Variants in CASQ2 observed in about 807,000 individuals in gnomAD.
CASQ2 encodes the protein calsequestrin 2.
In CASQ2, 49 loss-of-function variants were observed where a neutral mutation model predicts 46.5. The observed-to-expected ratio is 1.05, with a 90% confidence interval of 0.84 to 1.34. CASQ2 has a LOEUF of 1.34. Among genes scored for constraint, CASQ2 ranks in the 40% most tolerant of loss-of-function variants. CASQ2 has a pLI of 0.00. For missense variants in CASQ2, 486 were observed against 481.3 expected, an observed-to-expected ratio of 1.01 and a Z score of -0.09; for synonymous variants, 174 against 168.5, an observed-to-expected ratio of 1.03 and a Z score of -0.25.
intron 4 of CASQ2, among the ~76,000 whole-genome samples, chr1:115,733,294 A>G (rs534145666): frequency 6.6e-6 from 1 of 152,278 alleles, no homozygotes; most frequent in South Asian, 2.1e-4. Context: ...ACCAAAATAA[A>G]AAGACCTTTC....
chr1:115,748,476 G>C (rs1481148717), intron 1 of CASQ2, among the ~76,000 whole-genome samples: 1 of 152,050 alleles, frequency 6.6e-6, no homozygotes, highest in African/African-American at 2.4e-5. Flanking sequence ...GGGACTGAGG[G>C]GTGGGAGTGG....
intron 8 of CASQ2, among the ~76,000 whole-genome samples, chr1:115,710,579 G>A (rs1039114408): frequency 1.3e-5 from 2 of 152,208 alleles, no homozygotes; most frequent in South Asian, 2.1e-4. Flanking sequence ...CATGGGGTCA[G>A]TCCCAGGGCT....
chr1:115,723,341 T>G (rs919478383), intron 7 of CASQ2, among the ~76,000 whole-genome samples: 2 of 147,220 alleles, frequency 1.4e-5, no homozygotes, highest in Non-Finnish European at 3.0e-5. Context: ...ATCTATCATC[T>G]ATCTATGTAT....
intron 9 of CASQ2, 147 bp downstream of exon 9, chr1:115,705,045 C>T (rs1341231383): frequency 5.7e-6 from 4 of 701,672 alleles, no homozygotes; most frequent in Non-Finnish European, 1.0e-5. Context: ...TTCAATACTG[C>T]CCCAAGGGCC....
intron 1 of CASQ2, among the ~76,000 whole-genome samples, chr1:115,745,530 T>C (rs1052105302): frequency 6.6e-6 from 1 of 152,112 alleles, no homozygotes. Context: ...GATGGACAGA[T>C]AGCTGAAAAC....
chr1:115,755,354 C>G (rs1399281248), intron 1 of CASQ2, among the ~76,000 whole-genome samples: 1 of 152,092 alleles, frequency 6.6e-6, no homozygotes, highest in Admixed American at 6.5e-5. Flanking sequence ...CTCAAACTCT[C>G]CTTGGGAAAA....
chr1:115,742,033 G>A (rs568380141), intron 2 of CASQ2, among the ~76,000 whole-genome samples: 2 of 152,174 alleles, frequency 1.3e-5, no homozygotes, highest in South Asian at 4.1e-4. Context: ...AAGGAGCAAT[G>A]TGCCAGGTAT....
intron 2 of CASQ2, among the ~76,000 whole-genome samples, chr1:115,741,954 G>A (rs10923339): frequency 0.71 from 107,994 of 151,986 alleles, 42,088 homozygotes; most frequent in Non-Finnish European, 0.87. Flanking sequence ...GTGTCCCAAG[G>A]CATGCATGAG....
chr1:115,731,303 C>A (rs564165661), intron 5 of CASQ2, among the ~76,000 whole-genome samples: 4 of 152,290 alleles, frequency 2.6e-5, no homozygotes, highest in African/African-American at 9.6e-5. Flanking sequence ...AACGTTGAAC[C>A]ACCCCTCTAA....
intron 7 of CASQ2, among the ~76,000 whole-genome samples, chr1:115,718,976 G>T (rs759522060): frequency 9.2e-5 from 14 of 152,016 alleles, no homozygotes; most frequent in Non-Finnish European, 1.9e-4. Flanking sequence ...GGTATGCTTT[G>T]GGCACCCTGA....
At chr1:115,723,305 T>TTATCTATCTATCTATCTATC (rs58680506) in intron 7 of CASQ2, among the ~76,000 whole-genome samples, 8,044 of 148,758 alleles carry the variant, frequency 0.054, 275 homozygotes, top group Non-Finnish European at 0.063. Flanking sequence ...ATCTATCTAT[T>TTATCTATCTATCTATCTATC]TATCTATCTA....
intron 2 of CASQ2, 73 bp downstream of exon 2, chr1:115,744,755 G>T: frequency 2.1e-6 from 2 of 940,404 alleles, no homozygotes; most frequent in Non-Finnish European, 3.5e-6. Context: ...AAGAATAATT[G>T]CAACTGTACT....
At position 115,745,173 on chromosome 1, in the gene CASQ2, C is replaced by T. The variant is rs984235529; in HGVS notation, c.235-261G>A. ...ATTTGGAAGAATATATCCACTGTCA[C>T]ATACCAGTTTCTGCCCTTGGAGTAG... On this transcript the variant is annotated intron_variant, in intron 1 of 10. Coordinates refer to ENST00000261448, the MANE Select transcript of CASQ2 (RefSeq NM_001232.4). 3.9e-5 allele frequency among the ~76,000 whole-genome samples: 6 copies of T among 152,122 alleles called. No individual in the cohort carries two copies. In the South Asian group the frequency reaches 8.3e-4, roughly 21 times the overall value.
chr1:115,719,937 A>G (rs979146692), intron 7 of CASQ2, among the ~76,000 whole-genome samples: 1 of 152,210 alleles, frequency 6.6e-6, no homozygotes, highest in Admixed American at 6.5e-5. Flanking sequence ...ATGCCTTAAG[A>G]TAACAACAGT....
intron 9 of CASQ2, 32 bp downstream of exon 9, chr1:115,705,160 C>G: frequency 1.5e-6 from 2 of 1,362,368 alleles, no homozygotes; most frequent in African/African-American, 1.4e-5. Context: ...GTGACAGCAA[C>G]TGAGGGTGGG....
intron 7 of CASQ2, among the ~76,000 whole-genome samples, chr1:115,722,216 C>T (rs1647403485): frequency 6.6e-6 from 1 of 152,166 alleles, no homozygotes; most frequent in Admixed American, 6.5e-5. Context: ...TTTCAGTTGC[C>T]CTTTTCTCTG....
At chr1:115,761,496 GGAGA>G (rs1648956378) in intron 1 of CASQ2, among the ~76,000 whole-genome samples, 2 of 44,238 alleles carry the variant, frequency 4.5e-5, no homozygotes, top group African/African-American at 8.4e-5. Flanking sequence ...AGGAGAAGAA[GGAGA>G]AGAAGAAGAA....
At chr1:115,729,246 C>T (rs746386237) in intron 5 of CASQ2, among the ~76,000 whole-genome samples, 3 of 151,884 alleles carry the variant, frequency 2.0e-5, no homozygotes, top group East Asian at 3.9e-4. Context: ...GATGGGGTTT[C>T]GCCATGTTGG....
At chr1:115,745,083 G>A (rs1482161589) in intron 1 of CASQ2, among the ~76,000 whole-genome samples, 171 bp from the exon 2 acceptor site, 1 of 152,220 alleles carries the variant, frequency 6.6e-6, no homozygotes, top group Admixed American at 6.5e-5. Context: ...CTCAGGGGAA[G>A]GATGATTCAG....
Sources: allele counts gnomAD v4.1 joint callset (sites outside exome capture counted in the v4.1 genomes callset), GRCh38; gene constraint gnomAD v4.1.1; transcripts MANE v1.5; gene names NCBI Gene and HGNC (gene_info 2026-07-23, HGNC 2026-07-21).